The following DYM variants were observed in gnomAD, a reference collection of about 807,000 sequenced individuals.
The protein encoded by DYM is dyggve-Melchior-Clausen syndrome protein.
Under a neutral mutation model 93.1 loss-of-function variants are expected in DYM, and 78 were observed. The ratio of observed to expected loss-of-function variants is 0.84; its 90% CI spans 0.70 to 1.01. The LOEUF (loss-of-function observed/expected upper bound fraction) is 1.01, where lower values mean the gene tolerates loss of function less well. DYM is among the 50% of genes least tolerant of loss of function. DYM has a pLI of 0.00. For synonymous variants in DYM, 321 were observed against 319.7 expected, an observed-to-expected ratio of 1.00 and a Z score of -0.04; for missense variants, 789 against 845.0, an observed-to-expected ratio of 0.93 and a Z score of 0.82.
At chr18:49,189,497 A>G (rs1322757218) in intron 14 of DYM, among the ~76,000 whole-genome samples, 1 of 152,204 alleles carries the variant, frequency 6.6e-6, no homozygotes, top group African/African-American at 2.4e-5. Context: ...AGTAATCTAC[A>G]TTTACTATCT....
At chr18:49,058,722 A>C (rs2075711007) in intron 17 of DYM, among the ~76,000 whole-genome samples, 1 of 152,170 alleles carries the variant, frequency 6.6e-6, no homozygotes, top group Admixed American at 6.5e-5. Flanking sequence ...AACAACATTG[A>C]GAGTTACCTT....
Position 49,215,933 on chromosome 18 carries a change from C to T in DYM, c.1461-6218G>A, listed in dbSNP as rs191625077. Among the ~76,000 whole-genome samples, 153 of 152,230 alleles carry T rather than the reference C, an allele frequency of 1.0e-3. 1 individual carries two copies. The East Asian group carries it at 0.024, about 23-fold the overall frequency. ...TGGGTGCAGCGCACCGTGCGGGAGC[C>T]GAAGCAGGGCGAGGCATTGCCTCAC... On this transcript the variant is annotated intron_variant, in intron 13 of 17. Transcript: ENST00000675505.
At chr18:49,414,541 T>C (rs2072680046) in intron 2 of DYM, among the ~76,000 whole-genome samples, 2 of 152,200 alleles carry the variant, frequency 1.3e-5, no homozygotes, top group South Asian at 4.1e-4. Flanking sequence ...CAAGTCCTTA[T>C]GTTATTTGTT....
chr18:49,385,300 T>G (rs953685559), intron 3 of DYM, among the ~76,000 whole-genome samples: 5 of 152,116 alleles, frequency 3.3e-5, no homozygotes, highest in African/African-American at 1.2e-4. Context: ...AGTCTGACTA[T>G]CATAAAAAAC....
chr18:49,304,937 C>G (rs1018862963), intron 8 of DYM, among the ~76,000 whole-genome samples: 2 of 152,130 alleles, frequency 1.3e-5, no homozygotes, highest in Admixed American at 1.3e-4. Context: ...CTCATCCTGC[C>G]TAGACATTCT....
At chr18:49,347,796 A>G (rs1419543509) in intron 6 of DYM, among the ~76,000 whole-genome samples, 6 of 152,214 alleles carry the variant, frequency 3.9e-5, no homozygotes, top group Admixed American at 1.3e-4. Context: ...AGAAACCAAA[A>G]TTCTACCATG....
chr18:49,120,078 C>CAAAAAAAAAAAA (rs71165367), intron 15 of DYM, among the ~76,000 whole-genome samples: 1 of 56,180 alleles, frequency 1.8e-5, no homozygotes, highest in Non-Finnish European at 3.9e-5. Context: ...GATCCTGTCT[C>CAAAAAAAAAAAA]AAAAAAAAAA....
intron 1 of DYM, among the ~76,000 whole-genome samples, chr18:49,459,099 A>G (rs186735380): frequency 6.6e-6 from 1 of 152,210 alleles, no homozygotes; most frequent in Non-Finnish European, 1.5e-5. Flanking sequence ...TCCTTGACCT[A>G]TATGTCGTAA....
intron 1 of DYM, among the ~76,000 whole-genome samples, chr18:49,438,888 G>T (rs1170469389): frequency 1.3e-5 from 2 of 152,106 alleles, no homozygotes; most frequent in Admixed American, 6.6e-5. Flanking sequence ...ACGCACAATC[G>T]TCGGCTCCCA....
intron 8 of DYM, among the ~76,000 whole-genome samples, chr18:49,289,746 T>TAC (rs2059938654): frequency 2.3e-5 from 1 of 42,864 alleles, no homozygotes; most frequent in Non-Finnish European, 4.2e-5. Flanking sequence ...TATATATATA[T>TAC]ATATATATAT....
intron 2 of DYM, among the ~76,000 whole-genome samples, chr18:49,408,671 T>C (rs893900429): frequency 3.3e-5 from 5 of 152,232 alleles, no homozygotes; most frequent in Non-Finnish European, 7.3e-5. Flanking sequence ...CAAATATGGA[T>C]TGTTTTCCCT....
At chr18:49,423,367 C>T (rs1600139825) in intron 2 of DYM, among the ~76,000 whole-genome samples, 1 of 152,054 alleles carries the variant, frequency 6.6e-6, no homozygotes, top group Admixed American at 6.5e-5. Flanking sequence ...ACACAACATA[C>T]CAGAATCTCT....
At chr18:49,432,039 A>T (rs2080362377) in intron 1 of DYM, 1 of 152,244 alleles carries the variant, frequency 6.6e-6, no homozygotes, top group African/African-American at 2.4e-5. Context: ...AATTTCTTAA[A>T]GTAGGGCTTG....
chr18:49,227,864 GCTGA>G (rs199867364), intron 13 of DYM, among the ~76,000 whole-genome samples: 2,121 of 152,226 alleles, frequency 0.014, 46 homozygotes, highest in African/African-American at 0.048. Flanking sequence ...TGCACCTGCT[GCTGA>G]CTATCTGGAG....
intron 13 of DYM, among the ~76,000 whole-genome samples, chr18:49,244,445 T>C (rs923095153): frequency 2.6e-5 from 4 of 152,216 alleles, no homozygotes; most frequent in Admixed American, 6.5e-5. Context: ...TAAAGTGTTA[T>C]ATTAAACGAC....
At chr18:49,429,718 A>C (rs2074626653) in intron 2 of DYM, among the ~76,000 whole-genome samples, 1 of 152,172 alleles carries the variant, frequency 6.6e-6, no homozygotes, top group South Asian at 2.1e-4. Flanking sequence ...ATTTATACTA[A>C]AGATATATTG....
At chr18:49,189,556 G>T (rs1208634183) in intron 14 of DYM, among the ~76,000 whole-genome samples, 1 of 152,064 alleles carries the variant, frequency 6.6e-6, no homozygotes, top group Non-Finnish European at 1.5e-5. Flanking sequence ...AAGCATGTGG[G>T]CAAAAAAGTA....
In DYM at chr18:49,043,684, T is replaced by C; in HGVS notation, c.*371A>G. 1 of 227,086 alleles carries C rather than the reference T, an allele frequency of 4.4e-6. No homozygotes were observed. Among genetic ancestry groups the C allele is most frequent in the Non-Finnish European group, 8.7e-6 (1 of 114,404 alleles). 14.1% of individuals were successfully genotyped at this position (227,086 alleles called of 1,614,324 possible). A position where few individuals can be genotyped will look rare whatever the true frequency, so the allele number is the denominator to read the frequency against. On this transcript the variant is annotated 3_prime_UTR_variant, in exon 18 of 18. Transcript: ENST00000675505. ...AAAAATAGTCTACGCTTTTGAATAG[T>C]GTGCACTGTTGAATAGTGTGCACTG... is the stretch of plus-strand genomic sequence containing the variant.
intron 17 of DYM, among the ~76,000 whole-genome samples, chr18:49,079,956 G>T (rs1411976317): frequency 6.6e-6 from 1 of 151,052 alleles, no homozygotes; most frequent in Non-Finnish European, 1.5e-5. Context: ...GGGCAGAGGG[G>T]CTCCTCACTT....
Sources: gnomAD v4.1 joint callset for allele counts (sites outside exome capture counted in the v4.1 genomes callset) on GRCh38, gnomAD v4.1.1 for gene constraint, MANE v1.5 for transcripts, NCBI Gene and HGNC (gene_info 2026-07-23, HGNC 2026-07-21) for gene names.